Variants in FAAH2 observed in about 807,000 individuals in gnomAD.
FAAH2 encodes fatty-acid amide hydrolase 2.
Under a neutral mutation model 36.9 loss-of-function variants are expected in FAAH2, and 60 were observed. The observed-to-expected ratio is 1.63, with a 90% CI of 1.32 to 2.02. The LOEUF (loss-of-function observed/expected upper bound fraction) is 2.02. Ranked by LOEUF, FAAH2 falls within the 30% of genes most tolerant of loss-of-function variation. The pLI is 0.00. For synonymous variants in FAAH2, 214 were observed against 143.8 expected, an observed-to-expected ratio of 1.49 and a Z score of -3.49; for missense variants, 689 against 397.5, an observed-to-expected ratio of 1.73 and a Z score of -6.23.
At chrX:57,219,863 C>CTTTTTTTTTTTTTT in the FAAH2 span, among the ~76,000 whole-genome samples, 1 of 35,640 alleles carries the variant, frequency 2.8e-5, no homozygotes, top group African/African-American at 1.1e-4. Context: ...AGCGCCTTGT[C>CTTTTTTTTTTTTTT]TTTTTTTTTT....
chrX:57,387,280 A>G (rs1246529347), intron 7 of FAAH2, among the ~76,000 whole-genome samples: 3 of 111,694 alleles, frequency 2.7e-5, no homozygotes, highest in Non-Finnish European at 5.7e-5. Context: ...TAAATTAGAA[A>G]TAAGAGGTAT....
the FAAH2 span, among the ~76,000 whole-genome samples, chrX:57,265,835 G>T: frequency 9.0e-6 from 1 of 111,725 alleles, no homozygotes; most frequent in African/African-American, 3.3e-5. Context: ...ACTGCCCTAT[G>T]AAAAAGTGGC....
At chrX:57,395,676 TTTGCATATG>T (rs1174370353) in intron 7 of FAAH2, among the ~76,000 whole-genome samples, 1 of 112,237 alleles carries the variant, frequency 8.9e-6, no homozygotes, top group African/African-American at 3.2e-5. Context: ...ACATTATTGA[TTTGCATATG>T]TTGAACCATC....
At chrX:57,184,768 A>C in the FAAH2 span, among the ~76,000 whole-genome samples, 1 of 112,244 alleles carries the variant, frequency 8.9e-6, no homozygotes, top group Admixed American at 9.5e-5. Flanking sequence ...ATAACACTTG[A>C]AGAAAAAATA....
chrX:57,424,631 G>A (rs1372054755), intron 7 of FAAH2, among the ~76,000 whole-genome samples: 1 of 111,567 alleles, frequency 9.0e-6, no homozygotes, highest in Non-Finnish European at 1.9e-5. Context: ...TATAACCAAG[G>A]AATTCTTATA....
At chrX:57,342,702 G>A (rs375043826) in intron 5 of FAAH2, among the ~76,000 whole-genome samples, 1 of 110,619 alleles carries the variant, frequency 9.0e-6, no homozygotes, top group East Asian at 2.9e-4. Flanking sequence ...GTGGTTTGGT[G>A]TACAAATGAT....
chrX:57,345,246 G>T (rs1319001562), intron 5 of FAAH2, among the ~76,000 whole-genome samples: 1 of 106,114 alleles, frequency 9.4e-6, no homozygotes, highest in Non-Finnish European at 1.9e-5. Flanking sequence ...GACTTCAGCT[G>T]TGAATCCATC....
At position 57,386,206 on chromosome X, in the gene FAAH2, A is replaced by G. The variant is rs901717606; in HGVS notation, c.996+5177A>G. On this transcript the variant is annotated intron_variant, in intron 7 of 10. Transcript: ENST00000374900. ...AAAGAAATCATAGAAAATACTGCCAATAAAAATGATAGAGGATTATTAACA... is the reference window on the plus strand; with the variant it reads ...AAAGAAATCATAGAAAATACTGCCAGTAAAAATGATAGAGGATTATTAACA... Among the ~76,000 whole-genome samples the G allele has an allele frequency of 3.6e-5, 4 of 111,787 alleles. No individual in the cohort carries two copies. In the Admixed American group the frequency reaches 3.8e-4, roughly 11 times the overall value.
chrX:57,328,244 C>T (rs1022879681), intron 3 of FAAH2, among the ~76,000 whole-genome samples: 1 of 111,434 alleles, frequency 9.0e-6, no homozygotes, highest in Non-Finnish European at 1.9e-5. Flanking sequence ...TGTCAGTCTG[C>T]CCCTACTTGG....
chrX:57,322,589 A>C (rs1015118295), intron 3 of FAAH2, among the ~76,000 whole-genome samples: 13 of 111,336 alleles, frequency 1.2e-4, no homozygotes, highest in African/African-American at 3.6e-4. Context: ...ATCCTGAAAT[A>C]TATTTTCTAA....
intron 3 of FAAH2, among the ~76,000 whole-genome samples, chrX:57,322,818 T>C (rs2053072040): frequency 9.0e-6 from 1 of 110,960 alleles, no homozygotes; most frequent in Admixed American, 9.7e-5. Flanking sequence ...CTTTTTTTTT[T>C]TGTTTTGTTT....
At chrX:57,257,950 T>C in the FAAH2 span, among the ~76,000 whole-genome samples, 1 of 112,098 alleles carries the variant, frequency 8.9e-6, no homozygotes, top group Non-Finnish European at 1.9e-5. Context: ...AACATCATTC[T>C]TACAGAAATA....
chrX:57,384,723 G>T lies in FAAH2; in HGVS notation c.996+3694G>T, dbSNP rs1465996442. Among the ~76,000 whole-genome samples, 5 of 111,615 alleles carry T rather than the reference G, an allele frequency of 4.5e-5. No homozygotes were observed. In the East Asian group the frequency reaches 8.5e-4, roughly 19 times the overall value. ...GAAATAGGAACACTTTTACACTGTTGGTGAGACTGTAAACTAGTTCAACCA... is the reference window on the plus strand; with the variant it reads ...GAAATAGGAACACTTTTACACTGTTTGTGAGACTGTAAACTAGTTCAACCA... On this transcript the variant is annotated intron_variant, in intron 7 of 10. Transcript: ENST00000374900.
chrX:57,376,817 A>C (rs1249045597), intron 5 of FAAH2, among the ~76,000 whole-genome samples: 1 of 111,857 alleles, frequency 8.9e-6, no homozygotes, highest in Non-Finnish European at 1.9e-5. Flanking sequence ...TCCAGCATCT[A>C]TTGTATCCTG....
intron 2 of FAAH2, among the ~76,000 whole-genome samples, chrX:57,297,367 C>A (rs904702158): frequency 4.5e-5 from 5 of 110,168 alleles, no homozygotes; most frequent in African/African-American, 1.7e-4. Flanking sequence ...TTCATAAGTG[C>A]AGGAGAAATA....
chrX:57,232,113 T>C, the FAAH2 span, among the ~76,000 whole-genome samples: 77 of 111,772 alleles, frequency 6.9e-4, no homozygotes, highest in Non-Finnish European at 9.0e-4. Context: ...TCTGTATAGA[T>C]GGAGGGATGA....
In FAAH2 at chrX:57,332,789, G is replaced by A. The variant is rs1218273577; in HGVS notation, c.622+982G>A. On this transcript the variant is annotated intron_variant, in intron 4 of 10. Coordinates refer to ENST00000374900, the MANE Select transcript of FAAH2 (RefSeq NM_174912.4). ...TTCTTGCACAGGGAGGGAAAAAGTA[G>A]CCATTTTGAAATTCTGCTTCCAAAG... is the stretch of plus-strand genomic sequence containing the variant. Among the ~76,000 whole-genome samples, 3 of 111,811 alleles carry A rather than the reference G, an allele frequency of 2.7e-5. No individual in the cohort carries two copies. The East Asian group carries it at 8.4e-4, about 31-fold the overall frequency.
chrX:57,147,091 G>C, the FAAH2 span, among the ~76,000 whole-genome samples: 1 of 111,511 alleles, frequency 9.0e-6, no homozygotes, highest in Non-Finnish European at 1.9e-5. Flanking sequence ...GAATGATTTA[G>C]GAAGGATTCT....
chrX:57,268,520 C>A, the FAAH2 span, among the ~76,000 whole-genome samples: 1 of 110,848 alleles, frequency 9.0e-6, no homozygotes, highest in African/African-American at 3.3e-5. Context: ...ACATGCTCCA[C>A]AGAAAGACCA....
Sources: gnomAD v4.1 joint callset for allele counts (sites outside exome capture counted in the v4.1 genomes callset) on GRCh38, gnomAD v4.1.1 for gene constraint, MANE v1.5 for transcripts, NCBI Gene and HGNC (gene_info 2026-07-23, HGNC 2026-07-21) for gene names.